Variants in TCN2 observed in about 807,000 individuals in gnomAD.
TCN2 encodes the protein transcobalamin-2.
Under a neutral mutation model 48.6 loss-of-function variants are expected in TCN2, and 34 were observed. That is an observed-to-expected ratio of 0.70 (90% CI 0.53 to 0.93). The LOEUF is 0.93. Ranked by LOEUF, TCN2 falls within the 40% of genes least tolerant of loss-of-function variation. The pLI, the probability that TCN2 is intolerant of heterozygous loss-of-function variation, is 0.00. For synonymous variants in TCN2, 283 were observed against 212.5 expected, an observed-to-expected ratio of 1.33 and a Z score of -2.89; for missense variants, 652 against 526.1, an observed-to-expected ratio of 1.24 and a Z score of -2.34.
chr22:30,623,763 T>TACACACATATACAC lies in TCN2; in HGVS notation c.1222+681_1222+682insCACACATATACACA, dbSNP rs2087738636. Among the ~76,000 whole-genome samples the TACACACATATACAC allele has an allele frequency of 2.7e-4, 9 of 33,150 alleles. 2 individuals are homozygous for TACACACATATACAC. Among genetic ancestry groups the TACACACATATACAC allele is most frequent in the East Asian group, 1.3e-3 (2 of 1,518 alleles). 21.7% of individuals were successfully genotyped at this position (33,150 alleles called of 152,430 possible). On this transcript the variant is annotated intron_variant, in intron 8 of 8. Transcript: ENST00000215838. Reference sequence around the variant, plus strand: ...ATATATACACACATATATATGTATATATATATACACACATATATATGTATA... The same window carrying TACACACATATACAC: ...ATATATACACACATATATATGTATATACACACATATACACATATATACACACATATATATGTATA...
In TCN2 at chr22:30,625,034, T is replaced by C. The variant is rs574514514; in HGVS notation, c.1223-1426T>C. ...TAGTTCAAGACTAGCCTGACCAACA[T>C]GGTGAAACCCTGTCTCTACTAAAAA... On this transcript the variant is annotated intron_variant, in intron 8 of 8. Coordinates refer to ENST00000215838, the MANE Select transcript of TCN2 (RefSeq NM_000355.4). 3.3e-5 allele frequency among the ~76,000 whole-genome samples: 5 copies of C among 152,284 alleles called. No individual in the cohort carries two copies. In the South Asian group the frequency reaches 1.0e-3, roughly 32 times the overall value.
At position 30,611,003 on chromosome 22, in the gene TCN2, G is replaced by C. The variant is rs2087531325; in HGVS notation, c.197G>C (p.Gly66Ala). The stretch of plus-strand genomic sequence containing the variant: ...CTACGCCTCTCCAGTCTGCAGGCTG[G>C]GACCAAGGAAGACCTCTACCTGCAC... ...VGLRLSSLQA[G>A]TKEDLYLHSL... is the part of the protein sequence containing the mutation. Residue 66 changes from glycine to alanine, a missense_variant, in exon 2 of 9, where the codon GGG (glycine) becomes GCG (alanine). Physicochemically the swap from Gly to Ala is moderately conservative, Grantham distance 60. Coordinates refer to ENST00000215838, the MANE Select transcript of TCN2 (RefSeq NM_000355.4). 6.2e-7 allele frequency: 1 copy of C among 1,614,158 alleles called. No individual in the cohort carries two copies. Among genetic ancestry groups the C allele is most frequent in the East Asian group, 2.2e-5 (1 of 44,882 alleles).
Position 30,624,081 on chromosome 22 carries a change from T to TA in TCN2, c.1222+998_1222+999insA, listed in dbSNP as rs1491180360. 5.9e-3 allele frequency among the ~76,000 whole-genome samples: 323 copies of TA among 54,724 alleles called. 95 individuals carry two copies. Among genetic ancestry groups the TA allele is most frequent in the Non-Finnish European group, 8.1e-3 (241 of 29,832 alleles). The allele number at this position is 54,724 out of a possible 152,430, so 35.9% of individuals were successfully genotyped here. A position where few individuals can be genotyped will look rare whatever the true frequency, so the allele number is the denominator to read the frequency against. Reference sequence around the variant, plus strand: ...ACACACATATATATATATATATATATTTTTTTTTTTTGAGATGGAGTCTTG... The same window carrying TA: ...ACACACATATATATATATATATATATATTTTTTTTTTTGAGATGGAGTCTTG... On this transcript the variant is annotated intron_variant, in intron 8 of 8. Transcript: ENST00000215838.
At chr22:30,620,405 C>T (rs1283323327) in intron 7 of TCN2, among the ~76,000 whole-genome samples, 3 of 152,236 alleles carry the variant, frequency 2.0e-5, no homozygotes, top group East Asian at 1.9e-4. Context: ...GGATGCTCTG[C>T]GGAGGTGCTG....
Position 30,623,859 on chromosome 22 carries a change from TACAC to T in TCN2, c.1222+780_1222+783del, listed in dbSNP as rs200064411. On this transcript the variant is annotated intron_variant, in intron 8 of 8. Coordinates refer to ENST00000215838, the MANE Select transcript of TCN2 (RefSeq NM_000355.4). ...ATACACACACATACATACACATACA[TACAC>T]ACATATATACACACATATATACACA... Among the ~76,000 whole-genome samples the T allele has an allele frequency of 3.1e-4, 15 of 48,844 alleles. 2 individuals are homozygous for T. The highest frequency in any genetic ancestry group is 1.6e-3 in the East Asian group (5 of 3,178). 32.0% of individuals were successfully genotyped at this position (48,844 alleles called of 152,430 possible). A position where few individuals can be genotyped will look rare whatever the true frequency, so the allele number is the denominator to read the frequency against.
At chr22:30,617,854 T>G (rs1393759547) in intron 7 of TCN2, 1 of 354,968 alleles carries the variant, frequency 2.8e-6, no homozygotes, top group Non-Finnish European at 5.5e-6. Flanking sequence ...TAGTGGCATG[T>G]GCTTTTTATA....
At chr22:30,618,181 C>T (rs2087642422) in intron 7 of TCN2, among the ~76,000 whole-genome samples, 1 of 149,516 alleles carries the variant, frequency 6.7e-6, no homozygotes, top group Non-Finnish European at 1.5e-5. Context: ...AATTCCTGGC[C>T]TCAAACCATC....
Position 30,612,939 on chromosome 22 carries a change from C to T in TCN2, c.324C>T (p.Tyr108=), listed in dbSNP as rs779779694. The change falls in exon 3 of 9, where the codon TAC becomes TAT. Residue 108 remains tyrosine (Y), a synonymous_variant. Coordinates refer to ENST00000215838, the MANE Select transcript of TCN2 (RefSeq NM_000355.4). ...GKPSMGQLAL[Y]LLALRANCEF... ...CTTCCATGGGCCAGCTGGCCCTCTA[C>T]CTGCTCGCTCTCAGAGCCAACTGTG... is the stretch of plus-strand genomic sequence containing the variant. 10 of 1,614,110 alleles carry T rather than the reference C, an allele frequency of 6.2e-6. No homozygotes were observed. In the East Asian group the frequency reaches 6.7e-5, roughly 11 times the overall value.
At chr22:30,623,803 TACAC>T (rs370001606) in intron 8 of TCN2, among the ~76,000 whole-genome samples, 950 of 61,420 alleles carry the variant, frequency 0.015, 26 homozygotes, top group Admixed American at 0.02. Context: ...TATACACACA[TACAC>T]ATATATACAC....
intron 8 of TCN2, among the ~76,000 whole-genome samples, chr22:30,625,228 T>G (rs1248740151): frequency 6.6e-6 from 1 of 151,990 alleles, no homozygotes; most frequent in African/African-American, 2.4e-5. Flanking sequence ...CAAAATGAAA[T>G]AAAATAACAG....
At chr22:30,614,011 A>G (rs1477506179) in intron 3 of TCN2, among the ~76,000 whole-genome samples, 1 of 152,164 alleles carries the variant, frequency 6.6e-6, no homozygotes, top group African/African-American at 2.4e-5. Context: ...AGCCGTCTCC[A>G]GCATTACCTC....
chr22:30,623,805 C>T lies in TCN2; in HGVS notation c.1222+722C>T, dbSNP rs796146073. On this transcript the variant is annotated intron_variant, in intron 8 of 8. Coordinates refer to ENST00000215838, the MANE Select transcript of TCN2 (RefSeq NM_000355.4). Reference sequence around the variant, plus strand: ...ATATGTATACATATATACACACATACACATATATACACACACATACACACA... The same window carrying T: ...ATATGTATACATATATACACACATATACATATATACACACACATACACACA... Among the ~76,000 whole-genome samples, 31 of 27,354 alleles carry T rather than the reference C, an allele frequency of 1.1e-3. 1 individual carries two copies. The highest frequency in any genetic ancestry group is 2.9e-3 in the East Asian group (4 of 1,374). 17.9% of individuals were successfully genotyped at this position (27,354 alleles called of 152,430 possible). A position where few individuals can be genotyped will look rare whatever the true frequency, so the allele number is the denominator to read the frequency against.
At position 30,615,857 on chromosome 22, in the gene TCN2, G is replaced by C. The variant is rs1264923741; in HGVS notation, c.940+70G>C. Reference sequence around the variant, plus strand: ...CGCACCCATTGACGTCCCAGTGAGGGGAGGTTGCTTCATCCTGATTTGCTG... The same window carrying C: ...CGCACCCATTGACGTCCCAGTGAGGCGAGGTTGCTTCATCCTGATTTGCTG... On this transcript the variant is annotated intron_variant, in intron 6 of 8. Coordinates refer to ENST00000215838, the MANE Select transcript of TCN2 (RefSeq NM_000355.4). 1.1e-5 allele frequency: 17 copies of C among 1,591,948 alleles called. No individual in the cohort carries two copies. In the East Asian group the frequency reaches 3.8e-4, roughly 36 times the overall value.
intron 7 of TCN2, among the ~76,000 whole-genome samples, chr22:30,620,743 G>A (rs2087685445): frequency 6.6e-6 from 1 of 152,236 alleles, no homozygotes; most frequent in South Asian, 2.1e-4. Flanking sequence ...GTGGACTCCA[G>A]TCTGAGAAAT....
Position 30,617,772 on chromosome 22 carries a change from A to G in TCN2, c.1106+277A>G, listed in dbSNP as rs970822994. ...GGTTCCAGGTAGGCACCCACAATTC[A>G]CCGAGGAGAACAGTTGTGCCCCTTC... On this transcript the variant is annotated intron_variant, in intron 7 of 8. Coordinates refer to ENST00000215838, the MANE Select transcript of TCN2 (RefSeq NM_000355.4). 3.4e-5 allele frequency: 16 copies of G among 473,620 alleles called. 1 individual carries two copies. The highest frequency in any genetic ancestry group is 2.4e-4 in the African/African-American group (12 of 50,796). The allele number at this position is 473,620 out of a possible 1,614,324, so 29.3% of individuals were successfully genotyped here. A position where few individuals can be genotyped will look rare whatever the true frequency, so the allele number is the denominator to read the frequency against.
In TCN2 at chr22:30,623,835, TAC is replaced by T. The variant is rs1226823452; in HGVS notation, c.1222+760_1222+761del. On this transcript the variant is annotated intron_variant, in intron 8 of 8. Coordinates refer to ENST00000215838, the MANE Select transcript of TCN2 (RefSeq NM_000355.4). ...ATATACACACACATACACACACATA[TAC>T]ACACACATACATACACATACATACA... Among the ~76,000 whole-genome samples the T allele has an allele frequency of 6.5e-3, 426 of 65,180 alleles. 152 individuals carry two copies. The highest frequency in any genetic ancestry group is 0.033 in the African/African-American group (250 of 7,552). The allele number at this position is 65,180 out of a possible 152,430, so 42.8% of individuals were successfully genotyped here.
Position 30,626,892 on chromosome 22 carries a change from C to A in TCN2, c.*371C>A. The A allele has an allele frequency of 2.7e-6, 1 of 365,986 alleles. No individual in the cohort carries two copies. Among genetic ancestry groups the A allele is most frequent in the Non-Finnish European group, 5.3e-6 (1 of 190,338 alleles). 22.7% of individuals were successfully genotyped at this position (365,986 alleles called of 1,614,324 possible). A position where few individuals can be genotyped will look rare whatever the true frequency, so the allele number is the denominator to read the frequency against. On this transcript the variant is annotated 3_prime_UTR_variant, in exon 9 of 9. Coordinates refer to ENST00000215838, the MANE Select transcript of TCN2 (RefSeq NM_000355.4). ...CACTCGTTCTGTGGTTGGGGTCCTG[C>A]AAGAAGGCCTCCTCAGCCCGGGGGC...
intron 5 of TCN2, 37 bp downstream of exon 5, chr22:30,615,510 GAAC>G: frequency 6.2e-7 from 1 of 1,608,516 alleles, no homozygotes; most frequent in Non-Finnish European, 8.5e-7. Context: ...CCACCCTGGG[GAAC>G]AGTCAGGGGT....
At chr22:30,609,717 G>A (rs778553544) in intron 1 of TCN2, among the ~76,000 whole-genome samples, 1 of 152,122 alleles carries the variant, frequency 6.6e-6, no homozygotes, top group Non-Finnish European at 1.5e-5. Flanking sequence ...GTGACAGAAA[G>A]GGAAAAAAGC....
Sources: gnomAD v4.1 joint callset for allele counts (sites outside exome capture counted in the v4.1 genomes callset) on GRCh38, gnomAD v4.1.1 for gene constraint, MANE v1.5 for transcripts, NCBI Gene and HGNC (gene_info 2026-07-23, HGNC 2026-07-21) for gene names.